TNFAIP8: variants seen among roughly 807,000 people sequenced by gnomAD.
The protein encoded by TNFAIP8 is tumor necrosis factor alpha-induced protein 8.
Under a neutral mutation model 13.3 loss-of-function variants are expected in TNFAIP8, and 7 were observed. The ratio of observed to expected loss-of-function variants is 0.52; its 90% confidence interval spans 0.30 to 0.99. TNFAIP8 has a LOEUF of 0.99. Ranked by LOEUF, TNFAIP8 falls within the 50% of genes least tolerant of loss-of-function variation. The pLI, the probability that TNFAIP8 is intolerant of heterozygous loss-of-function variation, is 0.07. For synonymous variants in TNFAIP8, 94 were observed against 87.6 expected (o/e 1.07, Z -0.41); for missense variants, 258 against 236.9 (o/e 1.09, Z -0.58).
At chr5:119,371,211 T>C (rs764500552) in intron 1 of TNFAIP8, among the ~76,000 whole-genome samples, 6 of 152,214 alleles carry the variant, frequency 3.9e-5, no homozygotes, top group Non-Finnish European at 7.3e-5. Context: ...TGCTATAGAA[T>C]ATACCCTGCA....
chr5:119,308,635 C>T (rs111438020), intron 1 of TNFAIP8, among the ~76,000 whole-genome samples: 4,816 of 151,914 alleles, frequency 0.032, 265 homozygotes, highest in African/African-American at 0.11. Context: ...GAGGCCGAGG[C>T]GGGTAGATCA....
chr5:119,312,157 C>T (rs1749750775), intron 1 of TNFAIP8, among the ~76,000 whole-genome samples: 1 of 152,028 alleles, frequency 6.6e-6, no homozygotes, highest in Non-Finnish European at 1.5e-5. Flanking sequence ...AAAAAAATAA[C>T]CAAATTATTA....
intron 1 of TNFAIP8, among the ~76,000 whole-genome samples, chr5:119,278,376 A>AGAGTGTGT (rs760411484): frequency 1.5e-4 from 16 of 108,238 alleles, no homozygotes; most frequent in African/African-American, 4.9e-4. Context: ...AGAGAGAGAG[A>AGAGTGTGT]GTGTGTGTGT....
intron 1 of TNFAIP8, among the ~76,000 whole-genome samples, chr5:119,286,447 C>A (rs925404178): frequency 6.6e-6 from 1 of 152,084 alleles, no homozygotes; most frequent in South Asian, 2.1e-4. Flanking sequence ...CGGTGAAACC[C>A]CGTCTCTACT....
At chr5:119,339,411 T>C (rs1297934032) in intron 1 of TNFAIP8, among the ~76,000 whole-genome samples, 1 of 151,592 alleles carries the variant, frequency 6.6e-6, no homozygotes, top group Non-Finnish European at 1.5e-5. Context: ...ATGGACATGC[T>C]GTTGGGTCAG....
intron 1 of TNFAIP8, among the ~76,000 whole-genome samples, chr5:119,296,588 T>G (rs1300911796): frequency 1.3e-5 from 2 of 152,216 alleles, no homozygotes; most frequent in Admixed American, 1.3e-4. Flanking sequence ...TAAAATTCTC[T>G]TTTTTGGTTG....
intron 1 of TNFAIP8, among the ~76,000 whole-genome samples, chr5:119,320,792 T>C (rs948628002): frequency 1.5e-4 from 23 of 151,796 alleles, no homozygotes; most frequent in Non-Finnish European, 3.4e-4. Context: ...GAATAACTGT[T>C]CTCTCCAAGG....
chr5:119,361,171 C>T (rs1263750361), intron 1 of TNFAIP8, among the ~76,000 whole-genome samples: 2 of 152,226 alleles, frequency 1.3e-5, no homozygotes, highest in Non-Finnish European at 2.9e-5. Context: ...TGCAGCAGGC[C>T]CGGTGCACTC....
intron 1 of TNFAIP8, among the ~76,000 whole-genome samples, chr5:119,311,162 A>G (rs1000450485): frequency 6.6e-6 from 1 of 152,038 alleles, no homozygotes; most frequent in Non-Finnish European, 1.5e-5. Flanking sequence ...AGTTGGGACT[A>G]TAGGTACACA....
chr5:119,282,342 T>C (rs1470806337), intron 1 of TNFAIP8, among the ~76,000 whole-genome samples: 2 of 152,194 alleles, frequency 1.3e-5, no homozygotes, highest in Non-Finnish European at 2.9e-5. Flanking sequence ...GATGTGGGCT[T>C]TTTTCTTTTT....
At chr5:119,339,457 GTT>G (rs397884992) in intron 1 of TNFAIP8, among the ~76,000 whole-genome samples, 10,564 of 116,046 alleles carry the variant, frequency 0.091, 481 homozygotes, top group African/African-American at 0.15. Flanking sequence ...CTCTTGTGGT[GTT>G]TTTTTTTTTT....
At chr5:119,293,531 T>A (rs1749062375) in intron 1 of TNFAIP8, among the ~76,000 whole-genome samples, 1 of 152,228 alleles carries the variant, frequency 6.6e-6, no homozygotes, top group Non-Finnish European at 1.5e-5. Flanking sequence ...GATTTCTTCT[T>A]TTTTAAGGCT....
At chr5:119,378,411 T>C (rs1752361757) in intron 1 of TNFAIP8, among the ~76,000 whole-genome samples, 1 of 152,230 alleles carries the variant, frequency 6.6e-6, no homozygotes, top group South Asian at 2.1e-4. Context: ...TCTTACTCTT[T>C]GTTTACCTTT....
At chr5:119,341,530 A>AG (rs1469985668) in intron 1 of TNFAIP8, among the ~76,000 whole-genome samples, 1 of 152,214 alleles carries the variant, frequency 6.6e-6, no homozygotes, top group Non-Finnish European at 1.5e-5. Context: ...GTGTTTGCTC[A>AG]GTCTCAGAGG....
chr5:119,317,188 G>C (rs75930637), intron 1 of TNFAIP8, among the ~76,000 whole-genome samples: 1 of 152,124 alleles, frequency 6.6e-6, no homozygotes. Context: ...TCCTGGTTCC[G>C]ATTTCTTGGG....
At chr5:119,281,049 G>A (rs1581565607) in intron 1 of TNFAIP8, among the ~76,000 whole-genome samples, 1 of 152,086 alleles carries the variant, frequency 6.6e-6, no homozygotes, top group Non-Finnish European at 1.5e-5. Flanking sequence ...AAGTCCTCCT[G>A]ACCTGACCTT....
intron 1 of TNFAIP8, among the ~76,000 whole-genome samples, chr5:119,385,077 G>A (rs1432529763): frequency 6.6e-6 from 1 of 152,170 alleles, no homozygotes; most frequent in Non-Finnish European, 1.5e-5. Flanking sequence ...CACGAATTTG[G>A]CAAATAAGGG....
In TNFAIP8 at chr5:119,393,289, G is replaced by A. The variant is rs986085969; in HGVS notation, c.505G>A (p.Ala169Thr). 3 of 1,613,968 alleles carry A rather than the reference G, an allele frequency of 1.9e-6. No homozygotes were observed. Among genetic ancestry groups the A allele is most frequent in the African/African-American group, 1.3e-5 (1 of 75,048 alleles). ...FDHFSDCEFL[A>T]ALYNPFGNFK... is the part of the protein sequence containing the mutation. The stretch of plus-strand genomic sequence containing the variant: ...TCATTTTTCAGATTGTGAATTTTTG[G>A]CTGCCTTGTATAATCCTTTTGGGAA... Residue 169 changes from alanine to threonine, a missense_variant, in exon 2 of 2, where the codon GCT becomes ACT. By Grantham distance (58) the Ala-to-Thr change is moderately conservative. Coordinates refer to ENST00000504771, the MANE Select transcript of TNFAIP8 (RefSeq NM_014350.4).
At chr5:119,324,733 TAAAA>T (rs891085140) in intron 1 of TNFAIP8, among the ~76,000 whole-genome samples, 1 of 145,158 alleles carries the variant, frequency 6.9e-6, no homozygotes. Context: ...ATTTGACCAA[TAAAA>T]AAAAAAGAGG....
Sources: gnomAD v4.1 joint callset for allele counts (sites outside exome capture counted in the v4.1 genomes callset) on GRCh38, gnomAD v4.1.1 for gene constraint, MANE v1.5 for transcripts, NCBI Gene and HGNC (gene_info 2026-07-23, HGNC 2026-07-21) for gene names.